Variants in GRIK2 observed in about 807,000 individuals in gnomAD.
GRIK2 encodes glutamate ionotropic receptor kainate type subunit 2.
In GRIK2, 32 loss-of-function variants were observed where a neutral mutation model predicts 100.3. The ratio of observed to expected loss-of-function variants is 0.32; its 90% CI spans 0.24 to 0.43. The LOEUF (loss-of-function observed/expected upper bound fraction) is 0.43. Among genes scored for constraint, GRIK2 ranks in the 20% least tolerant of loss-of-function variants. The probability of loss-of-function intolerance (pLI) is 1.00; values close to 1 mark genes in which losing one functional copy is unlikely to be tolerated. For synonymous variants in GRIK2, 417 were observed against 389.4 expected, an observed-to-expected ratio of 1.07 and a Z score of -0.83; for missense variants, 843 against 1,114.9, an observed-to-expected ratio of 0.76 and a Z score of 3.47.
At chr6:101,636,644 G>A (rs2128322555) in intron 4 of GRIK2, among the ~76,000 whole-genome samples, 1 of 151,940 alleles carries the variant, frequency 6.6e-6, no homozygotes, top group African/African-American at 2.4e-5. Context: ...TTTTGAATCT[G>A]TAGCAATCAC....
intron 7 of GRIK2, among the ~76,000 whole-genome samples, chr6:101,749,193 C>T (rs1776628223): frequency 6.6e-6 from 1 of 152,156 alleles, no homozygotes; most frequent in Admixed American, 6.5e-5. Flanking sequence ...ACTGCAACCT[C>T]TGCCTTCTGG....
intron 15 of GRIK2, among the ~76,000 whole-genome samples, chr6:102,047,470 C>A (rs1040452445): frequency 6.6e-6 from 1 of 152,010 alleles, no homozygotes; most frequent in African/African-American, 2.4e-5. Context: ...TTCTTCCTGG[C>A]CAGGTTCGGT....
At chr6:101,924,554 T>C in intron 12 of GRIK2, 47 bp from the exon 13 acceptor site, 1 of 960,684 alleles carries the variant, frequency 1.0e-6, no homozygotes, top group Non-Finnish European at 1.7e-6. Flanking sequence ...ATAGAATTTC[T>C]TCCCACTGCA....
intron 2 of GRIK2, among the ~76,000 whole-genome samples, chr6:101,537,010 C>CA (rs11463900): frequency 0.34 from 51,257 of 151,256 alleles, 8,970 homozygotes; most frequent in South Asian, 0.46. Context: ...TAGAAATGGT[C>CA]AAAATACTTT....
chr6:102,019,824 T>C lies in GRIK2; in HGVS notation c.2086-15517T>C, dbSNP rs181400557. On this transcript the variant is annotated intron_variant, in intron 14 of 16. Coordinates refer to ENST00000369134, the MANE Select transcript of GRIK2 (RefSeq NM_021956.5). ...TATATATCCCTTTTTAAATTAACCATCTAACTGCTTCTAGATCTCCTACTA... is the reference window on the plus strand; with the variant it reads ...TATATATCCCTTTTTAAATTAACCACCTAACTGCTTCTAGATCTCCTACTA... Among the ~76,000 whole-genome samples the C allele has an allele frequency of 2.5e-3, 376 of 152,104 alleles. 1 individual carries two copies. The highest frequency in any genetic ancestry group is 4.7e-3 in the Admixed American group (71 of 15,244).
At chr6:101,987,173 A>AAAT (rs1794062060) in intron 14 of GRIK2, among the ~76,000 whole-genome samples, 2 of 151,782 alleles carry the variant, frequency 1.3e-5, no homozygotes. Flanking sequence ...ATAAAAATAA[A>AAAT]AAAGAACCTT....
At chr6:101,834,431 C>G (rs1782928812) in intron 10 of GRIK2, among the ~76,000 whole-genome samples, 2 of 151,792 alleles carry the variant, frequency 1.3e-5, no homozygotes, top group South Asian at 4.1e-4. Flanking sequence ...GATTTAAGTA[C>G]TCCATTTATT....
chr6:101,888,830 T>A (rs912701567), intron 11 of GRIK2, among the ~76,000 whole-genome samples: 3 of 152,284 alleles, frequency 2.0e-5, no homozygotes, highest in East Asian at 1.9e-4. Flanking sequence ...GCAATATAGC[T>A]TCTCATCACA....
intron 10 of GRIK2, among the ~76,000 whole-genome samples, chr6:101,841,336 C>A (rs2518265): frequency 6.6e-6 from 1 of 151,782 alleles, no homozygotes; most frequent in African/African-American, 2.4e-5. Context: ...GAATGTTTAA[C>A]AAATTCACGT....
At chr6:101,483,428 A>G (rs1378241279) in intron 2 of GRIK2, among the ~76,000 whole-genome samples, 2 of 152,126 alleles carry the variant, frequency 1.3e-5, no homozygotes, top group Non-Finnish European at 2.9e-5. Context: ...GCCACCCTAG[A>G]TGTTTTCTGA....
chr6:101,907,553 AG>A (rs1391244208), intron 12 of GRIK2, among the ~76,000 whole-genome samples: 26 of 151,746 alleles, frequency 1.7e-4, no homozygotes, highest in Non-Finnish European at 1.2e-4. Flanking sequence ...AGCAACATTT[AG>A]CCACCCAGTG....
At chr6:101,711,173 T>C (rs1003406708) in intron 7 of GRIK2, among the ~76,000 whole-genome samples, 10 of 151,964 alleles carry the variant, frequency 6.6e-5, no homozygotes, top group African/African-American at 2.4e-4. Context: ...GGTAACTTAA[T>C]TGGCTGCTAA....
chr6:101,746,450 C>T (rs1382386619), intron 7 of GRIK2, among the ~76,000 whole-genome samples: 1 of 152,140 alleles, frequency 6.6e-6, no homozygotes, highest in Non-Finnish European at 1.5e-5. Flanking sequence ...CCTCAGCCTC[C>T]TGAGTAGCTG....
intron 2 of GRIK2, among the ~76,000 whole-genome samples, chr6:101,571,237 G>A (rs571435821): frequency 2.6e-5 from 4 of 152,036 alleles, no homozygotes; most frequent in Admixed American, 6.6e-5. Context: ...TGGTTTACAC[G>A]TGCCATGATG....
At chr6:102,012,051 T>C (rs1795573930) in intron 14 of GRIK2, among the ~76,000 whole-genome samples, 1 of 152,206 alleles carries the variant, frequency 6.6e-6, no homozygotes, top group Admixed American at 6.5e-5. Flanking sequence ...TTGTGAAACG[T>C]GTAAGGTCTG....
At chr6:101,782,343 G>A (rs9498701) in intron 7 of GRIK2, among the ~76,000 whole-genome samples, 37,797 of 151,828 alleles carry the variant, frequency 0.25, 6,111 homozygotes, top group East Asian at 0.69. Context: ...ACTTCTCCTC[G>A]TCTGTCCTTC....
At chr6:101,625,090 A>G (rs189345189) in intron 3 of GRIK2, among the ~76,000 whole-genome samples, 1 of 151,692 alleles carries the variant, frequency 6.6e-6, no homozygotes, top group Non-Finnish European at 1.5e-5. Context: ...ATTAAAAATA[A>G]TAGCCGGGTG....
chr6:101,668,570 GA>G (rs5878681), intron 4 of GRIK2, among the ~76,000 whole-genome samples: 143,585 of 151,536 alleles, frequency 0.95, 68,107 homozygotes, highest in East Asian at 1. Flanking sequence ...TTTCTCAACT[GA>G]AAAAAAAAAG....
chr6:101,427,548 A>C (rs554097556), intron 2 of GRIK2, among the ~76,000 whole-genome samples: 27 of 152,236 alleles, frequency 1.8e-4, no homozygotes, highest in Non-Finnish European at 3.5e-4. Context: ...ATATTTGCTG[A>C]ATGAACAACT....
Sources: allele counts gnomAD v4.1 joint callset (sites outside exome capture counted in the v4.1 genomes callset), GRCh38; gene constraint gnomAD v4.1.1; transcripts MANE v1.5; gene names NCBI Gene and HGNC (gene_info 2026-07-23, HGNC 2026-07-21).